The following EFCAB6 variants were observed in gnomAD, a reference collection of about 807,000 sequenced individuals.
EFCAB6 encodes EF-hand calcium binding domain 6.
A neutral mutation model predicts 169.8 loss-of-function variants in EFCAB6; 156 were observed. The ratio of observed to expected loss-of-function variants is 0.92; its 90% CI spans 0.81 to 1.05. The LOEUF (loss-of-function observed/expected upper bound fraction) is 1.05. EFCAB6 is among the 50% of genes least tolerant of loss of function. The probability of loss-of-function intolerance (pLI) is 0.00; values close to 1 mark genes in which losing one functional copy is unlikely to be tolerated. For missense variants in EFCAB6, 1,800 were observed against 1,829.1 expected (o/e 0.98, Z 0.29); for synonymous variants, 698 against 676.4 (o/e 1.03, Z -0.50).
intron 2 of EFCAB6, among the ~76,000 whole-genome samples, chr22:43,783,336 G>A (rs2061899399): frequency 6.6e-6 from 1 of 152,164 alleles, no homozygotes; most frequent in Non-Finnish European, 1.5e-5. Flanking sequence ...CATATTCTTG[G>A]GAATCTAGGA....
At chr22:43,576,763 C>T (rs1176624256) in intron 25 of EFCAB6, among the ~76,000 whole-genome samples, 2 of 152,194 alleles carry the variant, frequency 1.3e-5, no homozygotes, top group African/African-American at 4.8e-5. Flanking sequence ...GGAATCCTGG[C>T]CCCAAGCACC....
chr22:43,706,621 C>G (rs754666113), intron 10 of EFCAB6, among the ~76,000 whole-genome samples: 52 of 152,118 alleles, frequency 3.4e-4, no homozygotes, highest in Non-Finnish European at 6.8e-4. Context: ...ACCTAAAGGC[C>G]CAGATGGCAG....
intron 23 of EFCAB6, among the ~76,000 whole-genome samples, chr22:43,599,509 CAAAAAAAAAAAAAAAAAAAAA>C (rs58130994): frequency 0.019 from 835 of 44,212 alleles, 11 homozygotes; most frequent in African/African-American, 0.023. Context: ...GATTCCATCT[CAAAAAAAAAAAAAAAAAAAAA>C]AAAAAAAAAA....
In EFCAB6 at chr22:43,667,255, T is replaced by C; in HGVS notation, c.1832A>G (p.Asp611Gly). ...DLSERTKLTE[D>G]KTTLTKKMTT... ...CATCTTCTTGGTCAGGGTGGTTTTA[T>C]CCTCCGTGAGCTTGGTTCTAAAATC... Residue 611 changes from aspartate to glycine, a missense_variant, in exon 17 of 32, where the codon GAT becomes GGT. Coordinates refer to ENST00000262726, the MANE Select transcript of EFCAB6 (RefSeq NM_022785.4). 6.2e-7 allele frequency: 1 copy of C among 1,613,912 alleles called. No homozygotes were observed. Among genetic ancestry groups the C allele is most frequent in the East Asian group, 2.2e-5 (1 of 44,880 alleles).
chr22:43,575,308 A>G (rs2050171141), intron 26 of EFCAB6, among the ~76,000 whole-genome samples: 1 of 150,244 alleles, frequency 6.7e-6, no homozygotes, highest in Non-Finnish European at 1.5e-5. Flanking sequence ...CTCCAGCCTC[A>G]GCCTCCTGAG....
intron 22 of EFCAB6, among the ~76,000 whole-genome samples, chr22:43,603,843 G>C (rs1226245517): frequency 1.3e-5 from 2 of 152,226 alleles, no homozygotes; most frequent in African/African-American, 4.8e-5. Context: ...GATATGGTTT[G>C]GATTTGTGTC....
At chr22:43,553,458 CTG>C (rs1422010365) in intron 27 of EFCAB6, 1 of 152,392 alleles carries the variant, frequency 6.6e-6, no homozygotes, top group Non-Finnish European at 1.5e-5. Context: ...CAGTGGTGCT[CTG>C]TGTTACTTGG....
chr22:43,772,782 A>G (rs138623766), intron 4 of EFCAB6, 110 bp downstream of exon 4: 20 of 1,180,946 alleles, frequency 1.7e-5, no homozygotes, highest in Non-Finnish European at 2.4e-5. Context: ...CAAAACTTCA[A>G]CTGCTCAGTG....
At chr22:43,534,136 C>G (rs976113005) in intron 30 of EFCAB6, among the ~76,000 whole-genome samples, 6 of 152,200 alleles carry the variant, frequency 3.9e-5, no homozygotes, top group African/African-American at 1.2e-4. Flanking sequence ...ATTGTAATCA[C>G]CAGTTGTCAA....
chr22:43,773,562 C>T (rs556131014), intron 3 of EFCAB6, among the ~76,000 whole-genome samples: 1 of 152,210 alleles, frequency 6.6e-6, no homozygotes, highest in South Asian at 2.1e-4. Flanking sequence ...AAAAATGTTC[C>T]GAGGGCTGGG....
At position 43,598,310 on chromosome 22, in the gene EFCAB6, G is replaced by GAAAAAAA. The variant is rs1402967848; in HGVS notation, c.2876+1758_2876+1759insTTTTTTT. ...TGATGAAAGTGAGACACTGTCTCCG[G>GAAAAAAA]GAAAAAAAAAAAAAAAAAAAAAAAA... On this transcript the variant is annotated intron_variant, in intron 23 of 31. Coordinates refer to ENST00000262726, the MANE Select transcript of EFCAB6 (RefSeq NM_022785.4). Among the ~76,000 whole-genome samples, 48 of 57,660 alleles carry GAAAAAAA rather than the reference G, an allele frequency of 8.3e-4. 4 individuals carry two copies. Among genetic ancestry groups the GAAAAAAA allele is most frequent in the Admixed American group, 1.5e-3 (6 of 4,020 alleles). 37.8% of individuals were successfully genotyped at this position (57,660 alleles called of 152,430 possible).
intron 10 of EFCAB6, among the ~76,000 whole-genome samples, chr22:43,702,318 A>G (rs1293222569): frequency 6.6e-6 from 1 of 152,192 alleles, no homozygotes; most frequent in Non-Finnish European, 1.5e-5. Context: ...CGCAGGCTCC[A>G]CTACTCCCTC....
chr22:43,743,396 T>G (rs1469306440), intron 6 of EFCAB6, among the ~76,000 whole-genome samples: 1 of 152,222 alleles, frequency 6.6e-6, no homozygotes, highest in African/African-American at 2.4e-5. Flanking sequence ...GGCAGAATGA[T>G]GTAGTGACTA....
intron 24 of EFCAB6, among the ~76,000 whole-genome samples, chr22:43,585,176 A>G (rs1025618945): frequency 6.6e-6 from 1 of 152,252 alleles, no homozygotes; most frequent in Non-Finnish European, 1.5e-5. Context: ...GGAATTTAAA[A>G]TAACTATGGT....
At chr22:43,784,543 GTATATGTATATATACACATATATA>G (rs2061955651) in intron 2 of EFCAB6, among the ~76,000 whole-genome samples, 60 of 75,500 alleles carry the variant, frequency 7.9e-4, no homozygotes, top group African/African-American at 2.7e-3. Flanking sequence ...GTGTGTGTGT[GTATATGTATATATACACATATATA>G]TGTGTACATA....
At chr22:43,570,698 C>G (rs1458671241) in intron 26 of EFCAB6, among the ~76,000 whole-genome samples, 1 of 151,036 alleles carries the variant, frequency 6.6e-6, no homozygotes, top group Non-Finnish European at 1.5e-5. Context: ...TTTATGCCTT[C>G]TAGGCCAGTG....
intron 17 of EFCAB6, among the ~76,000 whole-genome samples, chr22:43,652,760 GAAAA>G (rs1054213778): frequency 7.6e-6 from 1 of 132,290 alleles, no homozygotes; most frequent in Non-Finnish European, 1.6e-5. Flanking sequence ...TATCCAGAAA[GAAAA>G]AAAAACAGAC....
In EFCAB6 at chr22:43,534,673, A is replaced by T; in HGVS notation, c.4233+15T>A. The T allele has an allele frequency of 1.3e-6, 2 of 1,575,414 alleles. No individual in the cohort carries two copies. The highest frequency in any genetic ancestry group is 1.7e-6 in the Non-Finnish European group (2 of 1,164,326). On this transcript the variant is annotated intron_variant, in intron 30 of 31. Transcript: ENST00000262726. Reference sequence around the variant, plus strand: ...TTCCACCTGGCCCCACATTTCCTGCAGGTGGGCAACATACCATCTTGTGTG... The same window carrying T: ...TTCCACCTGGCCCCACATTTCCTGCTGGTGGGCAACATACCATCTTGTGTG...
chr22:43,724,769 C>G (rs2059663640), intron 8 of EFCAB6, among the ~76,000 whole-genome samples: 1 of 152,194 alleles, frequency 6.6e-6, no homozygotes, highest in Non-Finnish European at 1.5e-5. Flanking sequence ...AAGCCCTCAC[C>G]AGAATCACCC....
Sources: gnomAD v4.1 joint callset for allele counts (sites outside exome capture counted in the v4.1 genomes callset) on GRCh38, gnomAD v4.1.1 for gene constraint, MANE v1.5 for transcripts, NCBI Gene and HGNC (gene_info 2026-07-23, HGNC 2026-07-21) for gene names.